Variants in ADAMTS6 observed in about 807,000 individuals in gnomAD.
The protein encoded by ADAMTS6 is A disintegrin and metalloproteinase with thrombospondin motifs 6.
ADAMTS6 carries 23 observed loss-of-function variants against 144.3 expected under a neutral mutation model. The observed-to-expected ratio is 0.16, with a 90% confidence interval of 0.11 to 0.23. ADAMTS6 has a LOEUF of 0.23. Among genes scored for constraint, ADAMTS6 ranks in the 10% least tolerant of loss-of-function variants. The pLI is 1.00. For missense variants in ADAMTS6, 999 were observed against 1,379.6 expected (o/e 0.72, Z 4.37); for synonymous variants, 444 against 457.5 (o/e 0.97, Z 0.38).
chr5:65,368,067 C>T (rs577310436), intron 7 of ADAMTS6, among the ~76,000 whole-genome samples: 20 of 152,108 alleles, frequency 1.3e-4, no homozygotes, highest in African/African-American at 4.8e-4. Flanking sequence ...ATTTACAGGG[C>T]TATATTTTGA....
At chr5:65,240,315 A>C (rs1339705345) in intron 15 of ADAMTS6, among the ~76,000 whole-genome samples, 3 of 152,120 alleles carry the variant, frequency 2.0e-5, no homozygotes, top group Non-Finnish European at 4.4e-5. Flanking sequence ...GATCTCAAAA[A>C]CATTAGGCTT....
intron 7 of ADAMTS6, among the ~76,000 whole-genome samples, chr5:65,391,135 C>T (rs186614571): frequency 1.3e-5 from 2 of 152,034 alleles, no homozygotes; most frequent in East Asian, 1.9e-4. Flanking sequence ...AGGCCAGTCT[C>T]GTATCAAACT....
At chr5:65,243,493 AT>A (rs1238911156) in intron 14 of ADAMTS6, among the ~76,000 whole-genome samples, 1 of 152,162 alleles carries the variant, frequency 6.6e-6, no homozygotes, top group Non-Finnish European at 1.5e-5. Context: ...TGAGCCCTGC[AT>A]TTTAAAATGT....
rs567319302 is a variant in ADAMTS6 at position 65,218,233 on chromosome 5, A to G, written c.2273-2746T>C. 2.9e-4 allele frequency among the ~76,000 whole-genome samples: 44 copies of G among 152,332 alleles called. No individual in the cohort carries two copies. The South Asian group carries it at 8.9e-3, about 31-fold the overall frequency. ...TCAATCACCAGGCCATTCAGTAGAG[A>G]CCCAAGAAGAATCATGCTTTTGCAG... On this transcript the variant is annotated intron_variant, in intron 18 of 24. Transcript: ENST00000381055.
rs138431544 is a variant in ADAMTS6 at position 65,160,596 on chromosome 5, G to A, written c.3245-8651C>T. On this transcript the variant is annotated intron_variant, in intron 24 of 24. Transcript: ENST00000381055. ...TGGGATTACAGGCGTGAGCCACCGC[G>A]CCCGGCCTCCAACTTTCTTCTTAAC... 7.2e-3 allele frequency among the ~76,000 whole-genome samples: 1,090 copies of A among 150,992 alleles called. 15 individuals carry two copies. The highest frequency in any genetic ancestry group is 0.025 in the African/African-American group (1,023 of 41,092).
chr5:65,441,541 G>C (rs1419368819), intron 7 of ADAMTS6, among the ~76,000 whole-genome samples: 1 of 151,994 alleles, frequency 6.6e-6, no homozygotes, highest in Non-Finnish European at 1.5e-5. Context: ...TAAGGGTAAA[G>C]AATAATTAAA....
At chr5:65,374,131 G>T (rs1189339834) in intron 7 of ADAMTS6, among the ~76,000 whole-genome samples, 1 of 152,106 alleles carries the variant, frequency 6.6e-6, no homozygotes, top group East Asian at 1.9e-4. Flanking sequence ...AGCTATCTAT[G>T]ACAAACCCAC....
chr5:65,224,631 C>T (rs973026935), intron 17 of ADAMTS6, among the ~76,000 whole-genome samples: 12 of 152,172 alleles, frequency 7.9e-5, no homozygotes, highest in African/African-American at 2.9e-4. Context: ...AAAGCCTCAA[C>T]ACGAATAATG....
intron 7 of ADAMTS6, among the ~76,000 whole-genome samples, chr5:65,387,412 A>G (rs1428525542): frequency 6.6e-6 from 1 of 152,218 alleles, no homozygotes; most frequent in African/African-American, 2.4e-5. Flanking sequence ...TATCCAGCAC[A>G]GGACTAGGAC....
intron 7 of ADAMTS6, among the ~76,000 whole-genome samples, chr5:65,439,808 AT>A (rs1757730065): frequency 6.6e-6 from 1 of 151,994 alleles, no homozygotes; most frequent in South Asian, 2.1e-4. Context: ...GTCTTTGTCC[AT>A]TTTTTTGTTT....
chr5:65,219,240 C>T (rs892771777), intron 18 of ADAMTS6, among the ~76,000 whole-genome samples: 15 of 152,054 alleles, frequency 9.9e-5, no homozygotes, highest in African/African-American at 3.1e-4. Context: ...ACAGTCACAC[C>T]CATTTATTTA....
chr5:65,380,792 T>G (rs76485756), intron 7 of ADAMTS6, among the ~76,000 whole-genome samples: 1,855 of 152,300 alleles, frequency 0.012, 26 homozygotes, highest in East Asian at 0.077. Context: ...TCTCATTGGT[T>G]TGTAAGTTTT....
intron 7 of ADAMTS6, among the ~76,000 whole-genome samples, chr5:65,337,707 C>T (rs548367817): frequency 6.1e-4 from 93 of 152,184 alleles, no homozygotes; most frequent in African/African-American, 2.0e-3. Flanking sequence ...CACCCTCTTT[C>T]TTTCTTTTAC....
intron 18 of ADAMTS6, among the ~76,000 whole-genome samples, chr5:65,215,884 G>A (rs1756880572): frequency 1.3e-5 from 2 of 152,056 alleles, no homozygotes. Flanking sequence ...CAGACTGATC[G>A]ACAGAACACG....
chr5:65,379,645 A>C (rs1479551119), intron 7 of ADAMTS6, among the ~76,000 whole-genome samples: 2 of 152,032 alleles, frequency 1.3e-5, no homozygotes, highest in Non-Finnish European at 1.5e-5. Context: ...CAACACCTGG[A>C]AAACAGTGAC....
chr5:65,358,167 G>A (rs1749512753), intron 7 of ADAMTS6, among the ~76,000 whole-genome samples: 1 of 151,916 alleles, frequency 6.6e-6, no homozygotes, highest in Non-Finnish European at 1.5e-5. Context: ...ATGCAGGATG[G>A]TTCAACAATA....
chr5:65,421,172 A>AT (rs1291160231), intron 7 of ADAMTS6, among the ~76,000 whole-genome samples: 4 of 152,168 alleles, frequency 2.6e-5, no homozygotes, highest in African/African-American at 9.7e-5. Context: ...TGTGAGTTTT[A>AT]TGCTTTCAAG....
intron 7 of ADAMTS6, among the ~76,000 whole-genome samples, chr5:65,423,800 T>C (rs545848574): frequency 1.3e-5 from 2 of 152,174 alleles, no homozygotes; most frequent in Non-Finnish European, 2.9e-5. Flanking sequence ...AACACCATTT[T>C]GCCTACTATG....
chr5:65,332,707 T>C (rs1449063515), intron 8 of ADAMTS6, among the ~76,000 whole-genome samples: 1 of 152,070 alleles, frequency 6.6e-6, no homozygotes, highest in African/African-American at 2.4e-5. Flanking sequence ...AAATACACTG[T>C]AAAAGTTAAT....
Sources: allele counts gnomAD v4.1 joint callset (sites outside exome capture counted in the v4.1 genomes callset), GRCh38; gene constraint gnomAD v4.1.1; transcripts MANE v1.5; gene names NCBI Gene and HGNC (gene_info 2026-07-23, HGNC 2026-07-21).